TMEM132C: variants seen among roughly 807,000 people sequenced by gnomAD.
TMEM132C encodes the protein transmembrane protein 132C, also known as protein phosphatase 1, regulatory subunit 152.
TMEM132C carries 29 observed loss-of-function variants against 61.4 expected under a neutral mutation model. The ratio of observed to expected loss-of-function variants is 0.47; its 90% CI spans 0.35 to 0.64. The LOEUF (loss-of-function observed/expected upper bound fraction) is 0.64, where lower values mean the gene tolerates loss of function less well. TMEM132C is among the 30% of genes least tolerant of loss of function. The pLI, the probability that TMEM132C is intolerant of heterozygous loss-of-function variation, is 0.00. For synonymous variants in TMEM132C, 656 were observed against 633.1 expected, an observed-to-expected ratio of 1.04 and a Z score of -0.54; for missense variants, 1,408 against 1,476.9, an observed-to-expected ratio of 0.95 and a Z score of 0.76.
intron 2 of TMEM132C, among the ~76,000 whole-genome samples, chr12:128,522,180 G>C (rs1434361790): frequency 6.6e-6 from 1 of 152,136 alleles, no homozygotes; most frequent in Non-Finnish European, 1.5e-5. Flanking sequence ...TAGCTATTTT[G>C]GACGTACCCT....
chr12:128,594,175 G>A (rs554996768), intron 3 of TMEM132C, among the ~76,000 whole-genome samples: 91 of 152,016 alleles, frequency 6.0e-4, no homozygotes, highest in African/African-American at 2.1e-3. Flanking sequence ...TGAGTCCTTC[G>A]CCCTGCACAG....
intron 2 of TMEM132C, among the ~76,000 whole-genome samples, chr12:128,453,545 G>A (rs1870248387): frequency 6.6e-6 from 1 of 152,132 alleles, no homozygotes; most frequent in Non-Finnish European, 1.5e-5. Context: ...AGCCAGCCCA[G>A]AATCAAGGAA....
At chr12:128,445,791 T>C (rs1393540979) in intron 2 of TMEM132C, among the ~76,000 whole-genome samples, 3 of 152,048 alleles carry the variant, frequency 2.0e-5, no homozygotes, top group Admixed American at 1.3e-4. Context: ...GAGTAAATGG[T>C]GATTTAAAAG....
chr12:128,366,692 C>T (rs561864447), intron 1 of TMEM132C, among the ~76,000 whole-genome samples: 2 of 152,326 alleles, frequency 1.3e-5, no homozygotes, highest in Non-Finnish European at 2.9e-5. Context: ...GTTCCTCCTT[C>T]TGAGTTTCAG....
intron 1 of TMEM132C, among the ~76,000 whole-genome samples, chr12:128,385,065 A>T (rs1021505555): frequency 1.4e-4 from 21 of 152,162 alleles, no homozygotes; most frequent in African/African-American, 5.1e-4. Flanking sequence ...GCAGATTCGG[A>T]TGGCAACAGC....
chr12:128,333,933 T>C (rs1252801922), intron 1 of TMEM132C, among the ~76,000 whole-genome samples: 1 of 151,560 alleles, frequency 6.6e-6, no homozygotes, highest in Non-Finnish European at 1.5e-5. Flanking sequence ...TGTGTGTATG[T>C]ATGAGAGTGT....
intron 3 of TMEM132C, among the ~76,000 whole-genome samples, chr12:128,560,694 G>A (rs113153933): frequency 7.2e-5 from 11 of 152,168 alleles, no homozygotes; most frequent in African/African-American, 2.4e-4. Flanking sequence ...TCGCCCTCAC[G>A]TCTGTGTGTT....
At chr12:128,634,287 C>A (rs1037066847) in intron 4 of TMEM132C, among the ~76,000 whole-genome samples, 1 of 152,194 alleles carries the variant, frequency 6.6e-6, no homozygotes, top group Non-Finnish European at 1.5e-5. Flanking sequence ...TGTTGCCCAG[C>A]TAGTCTCAAA....
intron 4 of TMEM132C, among the ~76,000 whole-genome samples, chr12:128,646,961 G>C (rs1954206415): frequency 6.6e-6 from 1 of 151,138 alleles, no homozygotes; most frequent in Non-Finnish European, 1.5e-5. Context: ...ATCGGCGTTG[G>C]ATGTGAGTGT....
chr12:128,667,746 T>A (rs965699589), intron 4 of TMEM132C, among the ~76,000 whole-genome samples: 23 of 152,146 alleles, frequency 1.5e-4, no homozygotes, highest in African/African-American at 5.1e-4. Flanking sequence ...TTTTCATCTG[T>A]CCATAAAGAA....
At chr12:128,595,080 G>A (rs1458936065) in intron 3 of TMEM132C, among the ~76,000 whole-genome samples, 1 of 152,202 alleles carries the variant, frequency 6.6e-6, no homozygotes, top group East Asian at 1.9e-4. Context: ...GGTGAAGCTG[G>A]AAGGAAACAC....
intron 2 of TMEM132C, among the ~76,000 whole-genome samples, chr12:128,525,725 G>A (rs1873065374): frequency 6.6e-6 from 1 of 152,190 alleles, no homozygotes; most frequent in South Asian, 2.1e-4. Flanking sequence ...CTGAGAGGGT[G>A]CTCACATATG....
At position 128,616,208 on chromosome 12, in the gene TMEM132C, G is replaced by A; in HGVS notation, c.1178G>A (p.Ser393Asn). Residue 393 changes from serine (S) to asparagine (N), a missense_variant, in exon 4 of 9, where the codon AGC becomes AAC. Physicochemically the swap from Ser to Asn is conservative, Grantham distance 46. Transcript: ENST00000435159. ...ATGAACTTTGAAATAGCCAGTTTCAGCAGCCTTTCAGGGACTCAGCCCATC... is the reference window on the plus strand; with the variant it reads ...ATGAACTTTGAAATAGCCAGTTTCAACAGCCTTTCAGGGACTCAGCCCATC... ...VQMNFEIASF[S>N]SLSGTQPITW... The A allele has an allele frequency of 6.4e-7, 1 of 1,551,764 alleles. No individual in the cohort carries two copies. Among genetic ancestry groups the A allele is most frequent in the South Asian group, 1.2e-5 (1 of 84,068 alleles).
At chr12:128,633,767 G>A (rs1368212787) in intron 4 of TMEM132C, among the ~76,000 whole-genome samples, 4 of 152,130 alleles carry the variant, frequency 2.6e-5, no homozygotes, top group Non-Finnish European at 5.9e-5. Context: ...TGGCAAATAT[G>A]TGAGTCAAGT....
chr12:128,551,146 A>C (rs1443374929), intron 3 of TMEM132C, among the ~76,000 whole-genome samples: 1 of 151,900 alleles, frequency 6.6e-6, no homozygotes, highest in Non-Finnish European at 1.5e-5. Flanking sequence ...TCACTTGCAA[A>C]TGAATCCTTG....
At chr12:128,484,041 C>T (rs1409230324) in intron 2 of TMEM132C, among the ~76,000 whole-genome samples, 1 of 152,130 alleles carries the variant, frequency 6.6e-6, no homozygotes, top group Non-Finnish European at 1.5e-5. Context: ...CAGAATCCCC[C>T]TGCAGTAGCT....
chr12:128,635,805 G>A (rs1954099038), intron 4 of TMEM132C, among the ~76,000 whole-genome samples: 1 of 152,222 alleles, frequency 6.6e-6, no homozygotes, highest in African/African-American at 2.4e-5. Context: ...ACAGTGTACA[G>A]TCCCAACATG....
At chr12:128,491,234 G>A (rs542045686) in intron 2 of TMEM132C, among the ~76,000 whole-genome samples, 3 of 152,104 alleles carry the variant, frequency 2.0e-5, no homozygotes, top group Admixed American at 1.3e-4. Flanking sequence ...GACAAAAAGG[G>A]GTCAGATGAA....
At chr12:128,325,135 G>T (rs1872464247) in intron 1 of TMEM132C, among the ~76,000 whole-genome samples, 1 of 152,176 alleles carries the variant, frequency 6.6e-6, no homozygotes, top group Non-Finnish European at 1.5e-5. Flanking sequence ...GAGTGTGTTC[G>T]TCTCAAATAA....
Sources: gnomAD v4.1 joint callset for allele counts (sites outside exome capture counted in the v4.1 genomes callset) on GRCh38, gnomAD v4.1.1 for gene constraint, MANE v1.5 for transcripts, NCBI Gene and HGNC (gene_info 2026-07-23, HGNC 2026-07-21) for gene names.